Variants in DLC1 observed in about 807,000 individuals in gnomAD.
The protein encoded by DLC1 is rho GTPase-activating protein 7.
Under a neutral mutation model 140.3 loss-of-function variants are expected in DLC1, and 54 were observed. That is an observed-to-expected ratio of 0.38 (90% confidence interval 0.31 to 0.48). DLC1 has a LOEUF of 0.48. Among genes scored for constraint, DLC1 ranks in the 20% least tolerant of loss-of-function variants. The pLI, the probability that DLC1 is intolerant of heterozygous loss-of-function variation, is 0.96. For synonymous variants in DLC1, 986 were observed against 728.1 expected (o/e 1.35, Z -5.70); for missense variants, 2,536 against 1,907.0 (o/e 1.33, Z -6.14).
intron 1 of DLC1, among the ~76,000 whole-genome samples, chr8:13,573,686 C>G (rs1338723420): frequency 2.0e-5 from 3 of 152,048 alleles, no homozygotes; most frequent in East Asian, 3.9e-4. Flanking sequence ...TCAGTTTTTT[C>G]CTGCATCCAT....
intron 4 of DLC1, among the ~76,000 whole-genome samples, chr8:13,332,975 C>T (rs1833663915): frequency 6.6e-6 from 1 of 151,912 alleles, no homozygotes. Flanking sequence ...TTTATCCTCC[C>T]TAAAGGCAGA....
chr8:13,603,644 G>A (rs923974690), intron 1 of DLC1, among the ~76,000 whole-genome samples: 1 of 151,994 alleles, frequency 6.6e-6, no homozygotes, highest in African/African-American at 2.4e-5. Context: ...AAACGTTCAA[G>A]ACCCTTGCCC....
chr8:13,288,289 A>T (rs1329292547), intron 5 of DLC1, among the ~76,000 whole-genome samples: 7 of 152,202 alleles, frequency 4.6e-5, no homozygotes, highest in African/African-American at 1.4e-4. Flanking sequence ...GGATGTCTAG[A>T]TCTCTGCAGA....
intron 1 of DLC1, among the ~76,000 whole-genome samples, chr8:13,577,790 G>A (rs1052005376): frequency 6.6e-6 from 1 of 152,166 alleles, no homozygotes; most frequent in Admixed American, 6.5e-5. Context: ...AGAGAGTTAT[G>A]TTTTCCCTGC....
chr8:13,406,184 T>TTTTTTTTTGTTTTTTTG (rs1563321191), intron 2 of DLC1, among the ~76,000 whole-genome samples: 1 of 124,032 alleles, frequency 8.1e-6, no homozygotes, highest in African/African-American at 3.1e-5. Flanking sequence ...TTTTTGTGTT[T>TTTTTTTTTGTTTTTTTG]TTTTTTTTTT....
intron 5 of DLC1, among the ~76,000 whole-genome samples, chr8:13,150,840 CA>C (rs2128977201): frequency 6.6e-6 from 1 of 152,364 alleles, no homozygotes; most frequent in African/African-American, 2.4e-5. Flanking sequence ...AATATTTCAA[CA>C]GAGAACTTTC....
At chr8:13,389,209 C>T (rs1586256636) in intron 4 of DLC1, among the ~76,000 whole-genome samples, 1 of 151,986 alleles carries the variant, frequency 6.6e-6, no homozygotes, top group East Asian at 1.9e-4. Flanking sequence ...TGAATATCTG[C>T]ACTTATAAGT....
rs527996937 is a variant in DLC1, at chr8:13,131,352, A to C, written c.1349-15695T>G. Among the ~76,000 whole-genome samples, 3 of 152,308 alleles carry C rather than the reference A, an allele frequency of 2.0e-5. No individual in the cohort carries two copies. In the South Asian group the frequency reaches 6.2e-4, roughly 32 times the overall value. ...AGCAAACAGAATTTTGGAGGAAAAA[A>C]AAAATGTAATCTGAGACTCAGTATT... On this transcript the variant is annotated intron_variant, in intron 5 of 17. Transcript: ENST00000276297.
chr8:13,254,164 C>A (rs1482301816), intron 5 of DLC1, among the ~76,000 whole-genome samples: 1 of 150,680 alleles, frequency 6.6e-6, no homozygotes, highest in Non-Finnish European at 1.5e-5. Context: ...CCACCCCAAC[C>A]CGACCCCCTA....
At chr8:13,089,660 C>CAA (rs1164354545) in intron 15 of DLC1, among the ~76,000 whole-genome samples, 4 of 152,094 alleles carry the variant, frequency 2.6e-5, no homozygotes, top group Non-Finnish European at 5.9e-5. Context: ...AAACATCAGA[C>CAA]ATTTGCACTC....
At chr8:13,572,056 C>G (rs188549131) in intron 1 of DLC1, among the ~76,000 whole-genome samples, 2 of 150,096 alleles carry the variant, frequency 1.3e-5, no homozygotes, top group African/African-American at 4.9e-5. Flanking sequence ...ATTGAGTTGT[C>G]TATTTTATTG....
chr8:13,100,084 G>A lies in DLC1; in HGVS notation c.2253C>T (p.Ser751=), dbSNP rs753894707. ...SSSSSQSETS[S]AVSTPSPVTR... ...TAACAGGGCTGGGCGTGCTGACCGCGCTGCTGGTCTCCGACTGGCTGCTGC... is the reference window on the plus strand; with the variant it reads ...TAACAGGGCTGGGCGTGCTGACCGCACTGCTGGTCTCCGACTGGCTGCTGC... The change falls in exon 9 of 18, where the codon AGC becomes AGT. Residue 751 remains serine, a synonymous_variant. Transcript: ENST00000276297. 70 of 1,613,522 alleles carry A rather than the reference G, an allele frequency of 4.3e-5. No individual in the cohort carries two copies. In the South Asian group the frequency reaches 7.2e-4, roughly 17 times the overall value.
chr8:13,292,580 T>G (rs1272533175), intron 5 of DLC1, among the ~76,000 whole-genome samples: 1 of 152,202 alleles, frequency 6.6e-6, no homozygotes, highest in African/African-American at 2.4e-5. Context: ...GACGCTATTG[T>G]GTTCATCATT....
chr8:13,499,737 T>A lies in DLC1; in HGVS notation c.335A>T (p.Asp112Val). 6.2e-7 allele frequency: 1 copy of A among 1,614,146 alleles called. No individual in the cohort carries two copies. Among genetic ancestry groups the A allele is most frequent in the Non-Finnish European group, 8.5e-7 (1 of 1,180,014 alleles). ...ASTETLVHVS[D>V]EDNNADLCLT... ...GCATAAATCAGCATTGTTATCCTCA[T>A]CAGAAACATGCACTAGTGTTTCTGT... is the stretch of plus-strand genomic sequence containing the variant. The change falls in exon 2 of 18, where the codon GAT becomes GTT. Residue 112 changes from aspartate to valine, a missense_variant. Physicochemically the swap from Asp to Val is radical, Grantham distance 152 (BLOSUM62 -3). Transcript: ENST00000276297.
intron 4 of DLC1, among the ~76,000 whole-genome samples, chr8:13,350,609 G>T (rs1333429196): frequency 6.6e-6 from 1 of 152,108 alleles, no homozygotes; most frequent in African/African-American, 2.4e-5. Flanking sequence ...ACAGGTACTT[G>T]GGTGGTTGAG....
At chr8:13,139,295 A>C in intron 5 of DLC1, among the ~76,000 whole-genome samples, 1 of 139,520 alleles carries the variant, frequency 7.2e-6, no homozygotes, top group Non-Finnish European at 1.6e-5. Flanking sequence ...TCTCAAAAAA[A>C]AAAAAAAAAA....
chr8:13,421,797 C>T (rs1274122940), intron 2 of DLC1, among the ~76,000 whole-genome samples: 3 of 152,154 alleles, frequency 2.0e-5, no homozygotes, highest in African/African-American at 7.2e-5. Flanking sequence ...ACAATGGCTT[C>T]TTCTTTCCCA....
At chr8:13,373,554 C>T (rs1835824790) in intron 4 of DLC1, among the ~76,000 whole-genome samples, 1 of 152,052 alleles carries the variant, frequency 6.6e-6, no homozygotes, top group Non-Finnish European at 1.5e-5. Flanking sequence ...TTTGATTCAG[C>T]CCAATAAACA....
chr8:13,573,900 C>T (rs907037343), intron 1 of DLC1, among the ~76,000 whole-genome samples: 5 of 152,166 alleles, frequency 3.3e-5, no homozygotes, highest in African/African-American at 1.2e-4. Context: ...ATATGCTTTT[C>T]TCTCTTACTT....
Sources: allele counts gnomAD v4.1 joint callset (sites outside exome capture counted in the v4.1 genomes callset), GRCh38; gene constraint gnomAD v4.1.1; transcripts MANE v1.5; gene names NCBI Gene and HGNC (gene_info 2026-07-23, HGNC 2026-07-21).